The following PTPRQ variants were observed in gnomAD, a reference collection of about 807,000 sequenced individuals.
PTPRQ encodes the protein phosphatidylinositol phosphatase PTPRQ.
In PTPRQ, 199 loss-of-function variants were observed where a neutral mutation model predicts 246.0. That is an observed-to-expected ratio of 0.81 (90% CI 0.72 to 0.91). The LOEUF (loss-of-function observed/expected upper bound fraction) is 0.91, where lower values mean the gene tolerates loss of function less well. Among genes scored for constraint, PTPRQ ranks in the 40% least tolerant of loss-of-function variants. The pLI, the probability that PTPRQ is intolerant of heterozygous loss-of-function variation, is 0.00. For missense variants in PTPRQ, 2,624 were observed against 2,528.4 expected (o/e 1.04, Z -0.81); for synonymous variants, 869 against 853.2 (o/e 1.02, Z -0.32).
chr12:80,567,299 G>C (rs944312624), intron 25 of PTPRQ, among the ~76,000 whole-genome samples: 5 of 152,088 alleles, frequency 3.3e-5, no homozygotes, highest in African/African-American at 1.2e-4. Flanking sequence ...CCTGTGACTT[G>C]TTTTGAGTAT....
chr12:80,611,942 G>A (rs529745240), intron 28 of PTPRQ, among the ~76,000 whole-genome samples: 73 of 150,344 alleles, frequency 4.9e-4, no homozygotes, highest in African/African-American at 1.6e-3. Context: ...ACAATAGTAC[G>A]TTTATCTGCT....
chr12:80,632,194 G>A lies in PTPRQ; in HGVS notation c.5689G>A (p.Glu1897Lys), dbSNP rs1899464742. Residue 1897 changes from glutamate to lysine, a missense_variant and splice_region_variant, in exon 34 of 45, where the codon GAA becomes AAA. Glu to Lys is a moderately conservative substitution (Grantham distance 56, BLOSUM62 1). Coordinates refer to ENST00000644991, the MANE Select transcript of PTPRQ (RefSeq NM_001145026.2). Reference sequence around the variant, plus strand: ...ATCCTGTTATCCCTCTTCTCCAGGGGAAGGACTTTCAGAAAGAACCGTAGA... The same window carrying A: ...ATCCTGTTATCCCTCTTCTCCAGGGAAAGGACTTTCAGAAAGAACCGTAGA... The part of the protein sequence containing the change: ...DYSDPVKTLG[E>K]GLSERTVEII... 2 of 1,550,600 alleles carry A rather than the reference G, an allele frequency of 1.3e-6. No individual in the cohort carries two copies. The highest frequency in any genetic ancestry group is 1.4e-5 in the African/African-American group (1 of 72,986).
intron 27 of PTPRQ, among the ~76,000 whole-genome samples, chr12:80,608,148 A>G (rs1003055034): frequency 4.0e-5 from 6 of 150,372 alleles, no homozygotes; most frequent in African/African-American, 1.2e-4. Flanking sequence ...GTAGGAAGAG[A>G]AAAAAAATAG....
chr12:80,494,851 AT>A (rs1565744321), intron 10 of PTPRQ, 81 bp from the exon 11 acceptor site: 1 of 1,421,202 alleles, frequency 7.0e-7, no homozygotes, highest in African/African-American at 1.5e-5. Flanking sequence ...CAGGTTTAAG[AT>A]TTTATAGTCT....
chr12:80,483,428 A>G (rs1429278924), intron 8 of PTPRQ, among the ~76,000 whole-genome samples: 2 of 147,186 alleles, frequency 1.4e-5, no homozygotes, highest in Non-Finnish European at 3.0e-5. Flanking sequence ...CTAATGCTAG[A>G]TGACGAGTTA....
At chr12:80,550,030 G>A (rs886904398) in intron 25 of PTPRQ, among the ~76,000 whole-genome samples, 5 of 152,044 alleles carry the variant, frequency 3.3e-5, no homozygotes, top group Non-Finnish European at 5.9e-5. Context: ...TGATTTAAAA[G>A]AAGAAATAAA....
At chr12:80,655,211 T>G (rs1900392815) in intron 38 of PTPRQ, among the ~76,000 whole-genome samples, 1 of 152,124 alleles carries the variant, frequency 6.6e-6, no homozygotes, top group Admixed American at 6.6e-5. Context: ...GATAAAAAAT[T>G]AATCAGGTTT....
In PTPRQ at chr12:80,534,965, T is replaced by C. The variant is rs928770154; in HGVS notation, c.2913T>C (p.Pro971=). The change falls in exon 19 of 45, where the codon CCT becomes CCC. Residue 971 remains proline (P), a synonymous_variant. Transcript: ENST00000644991. ...SSSSIILFWT[P]PSKPNGIIQY... is the part of the protein sequence containing the mutation. Reference sequence around the variant, plus strand: ...CATCAATAATTCTTTTCTGGACACCTCCTTCAAAACCTAATGGGATTATAC... The same window carrying C: ...CATCAATAATTCTTTTCTGGACACCCCCTTCAAAACCTAATGGGATTATAC... 6 of 1,550,134 alleles carry C rather than the reference T, an allele frequency of 3.9e-6. No individual in the cohort carries two copies. The highest frequency in any genetic ancestry group is 3.9e-5 in the Admixed American group (2 of 50,834).
chr12:80,452,194 T>A (rs1447341574), intron 3 of PTPRQ, among the ~76,000 whole-genome samples: 1 of 143,292 alleles, frequency 7.0e-6, no homozygotes, highest in Non-Finnish European at 1.5e-5. Context: ...AACCCCTGCC[T>A]TTGTTTGTTT....
intron 19 of PTPRQ, among the ~76,000 whole-genome samples, chr12:80,538,251 C>G (rs2120825571): frequency 6.6e-6 from 1 of 152,122 alleles, no homozygotes; most frequent in East Asian, 1.9e-4. Flanking sequence ...TTTGTTTTTG[C>G]AAAAATAAAC....
chr12:80,475,543 T>C (rs956746224), intron 8 of PTPRQ, among the ~76,000 whole-genome samples: 1 of 152,086 alleles, frequency 6.6e-6, no homozygotes, highest in African/African-American at 2.4e-5. Flanking sequence ...TGTATCAATA[T>C]TAAAGTCTTC....
At chr12:80,650,962 A>G (rs565936478) in intron 37 of PTPRQ, among the ~76,000 whole-genome samples, 1 of 152,170 alleles carries the variant, frequency 6.6e-6, no homozygotes, top group Non-Finnish European at 1.5e-5. Flanking sequence ...GTTTTAATAA[A>G]TACATTTTTG....
intron 17 of PTPRQ, among the ~76,000 whole-genome samples, chr12:80,519,349 C>A (rs1895400983): frequency 1.3e-5 from 2 of 152,082 alleles, no homozygotes; most frequent in South Asian, 2.1e-4. Context: ...GCATGTCAGA[C>A]TTAGGGAACA....
chr12:80,554,565 A>G (rs1314351113), intron 25 of PTPRQ, among the ~76,000 whole-genome samples: 2 of 152,142 alleles, frequency 1.3e-5, no homozygotes, highest in African/African-American at 2.4e-5. Flanking sequence ...GGGAAAGTAA[A>G]ATGTGTATTT....
chr12:80,547,793 A>G (rs891755828), intron 24 of PTPRQ, among the ~76,000 whole-genome samples: 1 of 152,200 alleles, frequency 6.6e-6, no homozygotes, highest in Non-Finnish European at 1.5e-5. Flanking sequence ...AGCACTTTAT[A>G]GAGTGTTGTA....
intron 38 of PTPRQ, 61 bp from the exon 39 acceptor site, chr12:80,657,924 T>C (rs1246126793): frequency 4.1e-5 from 49 of 1,198,974 alleles, no homozygotes; most frequent in Non-Finnish European, 5.5e-5. Flanking sequence ...ACTTTTATAG[T>C]AAAAAAAGTA....
At position 80,468,897 on chromosome 12, in the gene PTPRQ, C is replaced by G. The variant is rs535705989; in HGVS notation, c.1039+59C>G. 6.1e-5 allele frequency: 92 copies of G among 1,512,314 alleles called. No individual in the cohort carries two copies. The South Asian group carries it at 1.2e-3, about 20-fold the overall frequency. 93.7% of individuals were successfully genotyped at this position (1,512,314 alleles called of 1,614,324 possible). A position where few individuals can be genotyped will look rare whatever the true frequency, so the allele number is the denominator to read the frequency against. On this transcript the variant is annotated intron_variant, in intron 7 of 44. Coordinates refer to ENST00000644991, the MANE Select transcript of PTPRQ (RefSeq NM_001145026.2). ...GAGTGAGAATAATAAAATATGTTAC[C>G]AATATCAAACTCTGTTTAAAAGTAT...
rs1232670766 is a variant in PTPRQ, at chr12:80,495,242, A to G, written c.1753A>G (p.Ile585Val). ...CTATAAAAATATTAGTTCTTCATCT[A>G]TTTTGTTATATTGGGATCCTCCAGA... is the stretch of plus-strand genomic sequence containing the variant. Reference protein sequence around the residue: ...INYKNISSSSILLYWDPPEYP... With the variant: ...INYKNISSSSVLLYWDPPEYP... The change falls in exon 12 of 45, where the codon ATT becomes GTT. Residue 585 changes from isoleucine to valine, a missense_variant. Ile to Val is a conservative substitution (Grantham distance 29, BLOSUM62 3). Transcript: ENST00000644991. 3 of 1,540,798 alleles carry G rather than the reference A, an allele frequency of 1.9e-6. No individual in the cohort carries two copies. The highest frequency in any genetic ancestry group is 2.8e-5 in the African/African-American group (2 of 72,208).
chr12:80,471,738 A>G (rs1030843335), intron 7 of PTPRQ, among the ~76,000 whole-genome samples: 2 of 151,606 alleles, frequency 1.3e-5, no homozygotes, highest in African/African-American at 2.4e-5. Context: ...CGGCCTCCCA[A>G]AGTTATTTAG....
Sources: allele counts gnomAD v4.1 joint callset (sites outside exome capture counted in the v4.1 genomes callset), GRCh38; gene constraint gnomAD v4.1.1; transcripts MANE v1.5; gene names NCBI Gene and HGNC (gene_info 2026-07-23, HGNC 2026-07-21).